The following ZNF423 variants were observed in gnomAD, a reference collection of about 807,000 sequenced individuals.
The protein encoded by ZNF423 is zinc finger protein 423.
A neutral mutation model predicts 95.8 loss-of-function variants in ZNF423; 12 were observed. The ratio of observed to expected loss-of-function variants is 0.13; its 90% CI spans 0.08 to 0.20. The LOEUF (loss-of-function observed/expected upper bound fraction) is 0.20. Ranked by LOEUF, ZNF423 falls within the 10% of genes least tolerant of loss-of-function variation. The pLI is 1.00. For missense variants in ZNF423, 1,316 were observed against 1,737.1 expected, an observed-to-expected ratio of 0.76 and a Z score of 4.31; for synonymous variants, 749 against 711.9, an observed-to-expected ratio of 1.05 and a Z score of -0.83.
At chr16:49,728,365 G>T (rs2033080921) in intron 3 of ZNF423, among the ~76,000 whole-genome samples, 1 of 152,242 alleles carries the variant, frequency 6.6e-6, no homozygotes, top group African/African-American at 2.4e-5. Context: ...GCTTAGGCAA[G>T]GTTGTTTCCC....
At chr16:49,608,142 G>A (rs1596710242) in intron 5 of ZNF423, among the ~76,000 whole-genome samples, 1 of 152,288 alleles carries the variant, frequency 6.6e-6, no homozygotes, top group East Asian at 1.9e-4. Context: ...CCCCACCCCA[G>A]CCTGTCTACC....
intron 7 of ZNF423, among the ~76,000 whole-genome samples, chr16:49,502,640 A>C (rs1391782749): frequency 1.3e-5 from 2 of 151,078 alleles, no homozygotes; most frequent in Non-Finnish European, 3.0e-5. Flanking sequence ...CCTCCCTTCT[A>C]CCCTCCACAG....
At chr16:49,853,584 T>G (rs1196817539) in intron 1 of ZNF423, 37 of 961,696 alleles carry the variant, frequency 3.8e-5, no homozygotes, top group Non-Finnish European at 4.6e-5. Context: ...ATGCCTCCAC[T>G]GGTCTCCTGT....
chr16:49,597,661 G>A (rs1176842475), intron 5 of ZNF423, among the ~76,000 whole-genome samples: 1 of 151,970 alleles, frequency 6.6e-6, no homozygotes, highest in African/African-American at 2.4e-5. Context: ...CATGCATGTC[G>A]GTGCCGTTCT....
At chr16:49,775,259 A>G (rs1337321720) in intron 2 of ZNF423, among the ~76,000 whole-genome samples, 1 of 152,242 alleles carries the variant, frequency 6.6e-6, no homozygotes, top group East Asian at 1.9e-4. Context: ...TAAATTCCTC[A>G]GCATTCCAAG....
intron 2 of ZNF423, among the ~76,000 whole-genome samples, chr16:49,738,969 G>C (rs1388920881): frequency 2.6e-5 from 4 of 151,868 alleles, no homozygotes; most frequent in Non-Finnish European, 5.9e-5. Context: ...TTGAAATAAA[G>C]ACAGTCATTA....
At chr16:49,771,701 G>A (rs4785189) in intron 2 of ZNF423, among the ~76,000 whole-genome samples, 77,929 of 152,002 alleles carry the variant, frequency 0.51, 20,319 homozygotes, top group African/African-American at 0.61. Context: ...CATGTAAGAC[G>A]TGCCTTTGCT....
chr16:49,714,733 C>T (rs912901507), intron 3 of ZNF423, among the ~76,000 whole-genome samples: 2 of 151,410 alleles, frequency 1.3e-5, no homozygotes, highest in African/African-American at 4.9e-5. Context: ...TCAGCCTAAG[C>T]AACATAGTGA....
At chr16:49,748,247 G>A (rs1010229889) in intron 2 of ZNF423, among the ~76,000 whole-genome samples, 1 of 152,228 alleles carries the variant, frequency 6.6e-6, no homozygotes, top group Non-Finnish European at 1.5e-5. Context: ...TTAAAGTCAT[G>A]CACATCATTC....
chr16:49,774,005 G>T (rs2034079327), intron 2 of ZNF423, among the ~76,000 whole-genome samples: 2 of 152,188 alleles, frequency 1.3e-5, no homozygotes, highest in African/African-American at 4.8e-5. Flanking sequence ...GAGCTCAAGG[G>T]CAGAACCACA....
chr16:49,684,953 G>A (rs2031506018), intron 3 of ZNF423, among the ~76,000 whole-genome samples: 1 of 152,244 alleles, frequency 6.6e-6, no homozygotes, highest in African/African-American at 2.4e-5. Flanking sequence ...CTACAGCCCA[G>A]AAAGGCAGGG....
At chr16:49,688,269 GCAGA>G (rs2031646879) in intron 3 of ZNF423, among the ~76,000 whole-genome samples, 1 of 152,138 alleles carries the variant, frequency 6.6e-6, no homozygotes, top group Non-Finnish European at 1.5e-5. Flanking sequence ...TTTCTACACA[GCAGA>G]CAGTCATGGC....
Position 49,491,109 on chromosome 16 carries a change from A to T in ZNF423, c.*166T>A. Reference sequence around the variant, plus strand: ...TGGAATACTTTTAATCTCTGCCATTAATATTCATTTCCAGCTGCTTATAAT... The same window carrying T: ...TGGAATACTTTTAATCTCTGCCATTTATATTCATTTCCAGCTGCTTATAAT... On this transcript the variant is annotated 3_prime_UTR_variant, in exon 8 of 8. Coordinates refer to ENST00000563137, the MANE Select transcript of ZNF423 (RefSeq NM_001379286.1). 2.7e-6 allele frequency: 2 copies of T among 747,266 alleles called. No individual in the cohort carries two copies. Among genetic ancestry groups the T allele is most frequent in the Admixed American group, 4.1e-5 (2 of 49,344 alleles). 46.3% of individuals were successfully genotyped at this position (747,266 alleles called of 1,614,324 possible).
At chr16:49,516,762 T>C (rs1402228818) in intron 7 of ZNF423, among the ~76,000 whole-genome samples, 3 of 152,314 alleles carry the variant, frequency 2.0e-5, no homozygotes, top group East Asian at 1.9e-4. Context: ...GTTTGTATCA[T>C]ATGATCCTAC....
chr16:49,596,740 C>G (rs1971190168), intron 5 of ZNF423, among the ~76,000 whole-genome samples: 1 of 152,122 alleles, frequency 6.6e-6, no homozygotes, highest in Non-Finnish European at 1.5e-5. Flanking sequence ...AGGAGAGAGA[C>G]AGAGAATCGC....
chr16:49,534,263 TTTGC>T (rs1246310469), intron 5 of ZNF423, among the ~76,000 whole-genome samples: 92 of 131,934 alleles, frequency 7.0e-4, no homozygotes, highest in African/African-American at 2.4e-3. Context: ...TTTTTTTTTG[TTTGC>T]TTTTGAGACC....
At chr16:49,672,289 T>C (rs2030848004) in intron 3 of ZNF423, among the ~76,000 whole-genome samples, 1 of 152,180 alleles carries the variant, frequency 6.6e-6, no homozygotes, top group South Asian at 2.1e-4. Context: ...GAATTGTGAA[T>C]AGGGGATTCT....
At chr16:49,588,888 C>T (rs62030981) in intron 5 of ZNF423, among the ~76,000 whole-genome samples, 30,992 of 152,264 alleles carry the variant, frequency 0.2, 3,896 homozygotes, top group East Asian at 0.4. Flanking sequence ...TTCATGCATG[C>T]AACTTGATCA....
chr16:49,660,728 G>C (rs1398677622), intron 3 of ZNF423, among the ~76,000 whole-genome samples: 1 of 152,152 alleles, frequency 6.6e-6, no homozygotes, highest in Admixed American at 6.5e-5. Context: ...GTGGGGGTCA[G>C]GAAGCACGGA....
Sources: allele counts gnomAD v4.1 joint callset (sites outside exome capture counted in the v4.1 genomes callset), GRCh38; gene constraint gnomAD v4.1.1; transcripts MANE v1.5; gene names NCBI Gene and HGNC (gene_info 2026-07-23, HGNC 2026-07-21).